The following MTHFD1 variants were observed in gnomAD, a reference collection of about 807,000 sequenced individuals.
MTHFD1 encodes C-1-tetrahydrofolate synthase, cytoplasmic.
In MTHFD1, 44 loss-of-function variants were observed where a neutral mutation model predicts 110.3. The observed-to-expected ratio is 0.40, with a 90% CI of 0.31 to 0.51. The LOEUF is 0.51. Among genes scored for constraint, MTHFD1 ranks in the 20% least tolerant of loss-of-function variants. The pLI is 0.60. For synonymous variants in MTHFD1, 402 were observed against 428.8 expected, an observed-to-expected ratio of 0.94 and a Z score of 0.77; for missense variants, 909 against 1,173.1, an observed-to-expected ratio of 0.77 and a Z score of 3.29.
At chr14:64,458,446 G>A (rs2078509872) in intron 27 of MTHFD1, 139 bp downstream of exon 27, 3 of 724,882 alleles carry the variant, frequency 4.1e-6, no homozygotes, top group Admixed American at 2.0e-5. Context: ...TGAGGGGAGA[G>A]GGGATAGTAA....
At chr14:64,456,942 T>C (rs2078484306) in intron 26 of MTHFD1, among the ~76,000 whole-genome samples, 2 of 152,242 alleles carry the variant, frequency 1.3e-5, no homozygotes, top group South Asian at 4.1e-4. Flanking sequence ...GTATTCATTA[T>C]ATAGGACATT....
At chr14:64,426,904 C>T (rs1363647145) in intron 11 of MTHFD1, among the ~76,000 whole-genome samples, 2 of 152,130 alleles carry the variant, frequency 1.3e-5, no homozygotes, top group Admixed American at 6.6e-5. Flanking sequence ...ATAGCCGTGT[C>T]TCTACAAGAT....
At chr14:64,455,571 A>T (rs1314747250) in intron 26 of MTHFD1, among the ~76,000 whole-genome samples, 1 of 152,226 alleles carries the variant, frequency 6.6e-6, no homozygotes. Context: ...TTATCCCCTA[A>T]ATCTGCCCTG....
At chr14:64,402,375 C>G (rs1449932845) in intron 2 of MTHFD1, among the ~76,000 whole-genome samples, 1 of 152,208 alleles carries the variant, frequency 6.6e-6, no homozygotes, top group East Asian at 1.9e-4. Flanking sequence ...GAGAAGCTGT[C>G]AAGCTCACAG....
intron 2 of MTHFD1, 142 bp from the exon 3 acceptor site, chr14:64,410,948 C>T: frequency 1.4e-6 from 1 of 692,710 alleles, no homozygotes; most frequent in East Asian, 2.7e-5. Context: ...GCCCCCACAG[C>T]CTCCCTATAC....
intron 17 of MTHFD1, 77 bp downstream of exon 17, chr14:64,439,249 C>G (rs748027871): frequency 8.6e-6 from 9 of 1,045,220 alleles, no homozygotes; most frequent in Non-Finnish European, 1.3e-5. Context: ...TCCATCCTCT[C>G]TCATACGACT....
intron 8 of MTHFD1, among the ~76,000 whole-genome samples, chr14:64,423,678 G>T (rs180900831): frequency 6.7e-6 from 1 of 148,258 alleles, no homozygotes; most frequent in African/African-American, 2.5e-5. Context: ...TTACAGGTGT[G>T]AGCCACCACA....
intron 16 of MTHFD1, 43 bp downstream of exon 16, chr14:64,435,714 G>GCA: frequency 8.9e-7 from 1 of 1,122,050 alleles, no homozygotes; most frequent in East Asian, 2.3e-5. Context: ...TGGCTATATT[G>GCA]CACACCCTAC....
At position 64,417,834 on chromosome 14, in the gene MTHFD1, G is replaced by A. The variant is rs933805236; in HGVS notation, c.479-54G>A. On this transcript the variant is annotated intron_variant, in intron 6 of 27. Transcript: ENST00000652337. This position sits in a 1 kb window ranked among gnomAD's most constrained non-coding sequence, Gnocchi z 4.4. ...ATTCTAATTTCTCCACGTGGCATGC[G>A]AAGGAGGGCAGCTTCTATCCTCCAA... 2.2e-5 allele frequency: 35 copies of A among 1,610,800 alleles called. No homozygotes were observed. The highest frequency in any genetic ancestry group is 1.3e-4 in the African/African-American group (10 of 74,846).
intron 22 of MTHFD1, 70 bp from the exon 23 acceptor site, chr14:64,448,147 C>A: frequency 8.8e-7 from 1 of 1,136,916 alleles, no homozygotes; most frequent in Non-Finnish European, 1.3e-6. Context: ...AGGTTGTTTG[C>A]CTTTGAAGAA....
chr14:64,408,677 AAGTGTGGTGGCTCACACCTACCT>A (rs1390189119), intron 2 of MTHFD1, among the ~76,000 whole-genome samples: 1 of 152,212 alleles, frequency 6.6e-6, no homozygotes, highest in African/African-American at 2.4e-5. Flanking sequence ...TATACTGGCC[AAGTGTGGTGGCTCACACCTACCT>A]AGCACTTTGG....
Position 64,417,814 on chromosome 14 carries a change from A to G in MTHFD1, c.479-74A>G. On this transcript the variant is annotated intron_variant, in intron 6 of 27. Coordinates refer to ENST00000652337, the MANE Select transcript of MTHFD1 (RefSeq NM_005956.4). This position sits in a 1 kb window ranked among gnomAD's most constrained non-coding sequence, Gnocchi z 4.4. ...GAACCTGTTTTTGTGCACTTATTCTAATTTCTCCACGTGGCATGCGAAGGA... is the reference window on the plus strand; with the variant it reads ...GAACCTGTTTTTGTGCACTTATTCTGATTTCTCCACGTGGCATGCGAAGGA... 1 of 1,591,030 alleles carries G rather than the reference A, an allele frequency of 6.3e-7. No individual in the cohort carries two copies. Among genetic ancestry groups the G allele is most frequent in the Non-Finnish European group, 8.6e-7 (1 of 1,162,080 alleles).
Position 64,427,364 on chromosome 14 carries a change from G to GA in MTHFD1, c.1159dup (p.Ser387LysfsTer53), listed in dbSNP as rs750412814. On this transcript the variant is annotated frameshift_variant, in exon 12 of 28. Transcript: ENST00000652337. LOFTEE classifies it high-confidence loss of function. Reference sequence around the variant, plus strand: ...TAACTCCAACACCCCTGGGAGAAGGGAAAAGCACAACTACAATCGGGCTAG... The same window carrying GA: ...TAACTCCAACACCCCTGGGAGAAGGGAAAAAGCACAACTACAATCGGGCTAG... The GA allele has an allele frequency of 6.2e-7, 1 of 1,614,188 alleles. No homozygotes were observed. The highest frequency in any genetic ancestry group is 2.2e-5 in the East Asian group (1 of 44,890).
intron 22 of MTHFD1, among the ~76,000 whole-genome samples, chr14:64,446,417 C>T (rs1328562910): frequency 2.0e-5 from 3 of 152,182 alleles, no homozygotes; most frequent in African/African-American, 7.2e-5. Context: ...GCCCAGTCCC[C>T]CTTGGAGGAG....
At chr14:64,443,851 T>A (rs781217726) in intron 21 of MTHFD1, among the ~76,000 whole-genome samples, 4 of 152,164 alleles carry the variant, frequency 2.6e-5, no homozygotes, top group Admixed American at 6.5e-5. Flanking sequence ...TTTGCACATA[T>A]GGCTCTGTCA....
intron 7 of MTHFD1, 87 bp from the exon 8 acceptor site, chr14:64,419,727 G>A (rs1490028514): frequency 4.5e-6 from 4 of 884,392 alleles, no homozygotes; most frequent in Non-Finnish European, 7.6e-6. Flanking sequence ...TTAATACAAA[G>A]CTCAGGGATA....
In MTHFD1 at chr14:64,430,242, T is replaced by G; in HGVS notation, c.1311+12T>G. ...TTCCTATGGAAGAGGTAAAGTATTCTGGGATTTGGCTGAATTAGATCCCCC... is the reference window on the plus strand; with the variant it reads ...TTCCTATGGAAGAGGTAAAGTATTCGGGGATTTGGCTGAATTAGATCCCCC... On this transcript the variant is annotated intron_variant, in intron 13 of 27. Coordinates refer to ENST00000652337, the MANE Select transcript of MTHFD1 (RefSeq NM_005956.4). The G allele has an allele frequency of 6.2e-7, 1 of 1,612,986 alleles. No homozygotes were observed.
At chr14:64,429,782 A>ATTTT (rs912050418) in intron 12 of MTHFD1, among the ~76,000 whole-genome samples, 9 of 152,190 alleles carry the variant, frequency 5.9e-5, no homozygotes, top group African/African-American at 2.2e-4. Flanking sequence ...AGCCTAATCT[A>ATTTT]TTTATCTCTA....
chr14:64,439,522 A>G, intron 17 of MTHFD1: 1 of 336,170 alleles, frequency 3.0e-6, no homozygotes, highest in South Asian at 3.1e-5. Context: ...TATATGAAAG[A>G]AACAATAAGC....
Sources: gnomAD v4.1 joint callset for allele counts (sites outside exome capture counted in the v4.1 genomes callset) on GRCh38, gnomAD v4.1.1 for gene constraint, Gnocchi (gnomAD v3.1) non-coding constraint, MANE v1.5 for transcripts, NCBI Gene and HGNC (gene_info 2026-07-23, HGNC 2026-07-21) for gene names.